EPM2A: variants seen among roughly 807,000 people sequenced by gnomAD.
EPM2A encodes the protein EPM2A glucan phosphatase, laforin, also known as laforin.
A neutral mutation model predicts 26.5 loss-of-function variants in EPM2A; 21 were observed. The ratio of observed to expected loss-of-function variants is 0.79; its 90% CI spans 0.56 to 1.14. EPM2A has a LOEUF of 1.14. Ranked by LOEUF, EPM2A falls within the 50% of genes most tolerant of loss-of-function variation. The pLI, the probability that EPM2A is intolerant of heterozygous loss-of-function variation, is 0.00. For synonymous variants in EPM2A, 217 were observed against 177.6 expected (o/e 1.22, Z -1.76); for missense variants, 458 against 440.8 (o/e 1.04, Z -0.35).
At chr6:145,480,046 T>C (rs774126049) in intron 4 of EPM2A, among the ~76,000 whole-genome samples, 1 of 152,074 alleles carries the variant, frequency 6.6e-6, no homozygotes, top group Non-Finnish European at 1.5e-5. Context: ...CTATAAGCCA[T>C]TCATATATCT....
intron 2 of EPM2A, among the ~76,000 whole-genome samples, chr6:145,558,241 T>C (rs982873489): frequency 6.6e-6 from 1 of 152,056 alleles, no homozygotes; most frequent in Non-Finnish European, 1.5e-5. Context: ...TGAGAACAGT[T>C]TGGGGGCATG....
intron 2 of EPM2A, among the ~76,000 whole-genome samples, chr6:145,565,820 C>T (rs757252192): frequency 1.3e-5 from 2 of 152,120 alleles, no homozygotes; most frequent in Non-Finnish European, 2.9e-5. Flanking sequence ...GAGCTGAATC[C>T]TCTATGCGAT....
At chr6:145,397,810 C>A (rs1019569682) in intron 4 of EPM2A, among the ~76,000 whole-genome samples, 6 of 152,180 alleles carry the variant, frequency 3.9e-5, no homozygotes, top group Non-Finnish European at 7.3e-5. Context: ...AGGCAGCAAT[C>A]ACTGCTGAGT....
At chr6:145,725,778 T>A (rs953059773) in intron 1 of EPM2A, among the ~76,000 whole-genome samples, 1 of 151,994 alleles carries the variant, frequency 6.6e-6, no homozygotes, top group Non-Finnish European at 1.5e-5. Flanking sequence ...AAGGGTTGAA[T>A]AGACAAAAGA....
intron 4 of EPM2A, among the ~76,000 whole-genome samples, chr6:145,390,554 G>C (rs1778323704): frequency 8.7e-6 from 1 of 114,996 alleles, no homozygotes; most frequent in Non-Finnish European, 2.0e-5. Flanking sequence ...TCCATGTTGT[G>C]CATGCACATT....
intron 2 of EPM2A, among the ~76,000 whole-genome samples, chr6:145,549,126 C>T (rs1009942155): frequency 9.9e-5 from 15 of 152,042 alleles, no homozygotes; most frequent in Admixed American, 3.3e-4. Context: ...CATAAAAACC[C>T]TCAGGGCAAA....
chr6:145,620,811 T>C (rs370584295), downstream of EPM2A, among the ~76,000 whole-genome samples: 108 of 152,324 alleles, frequency 7.1e-4, no homozygotes, highest in African/African-American at 2.5e-3. Context: ...ATAACAGCAA[T>C]TTTTTCAGCC....
intron 2 of EPM2A, among the ~76,000 whole-genome samples, chr6:145,582,010 G>C (rs1212920224): frequency 6.6e-6 from 1 of 151,052 alleles, no homozygotes; most frequent in African/African-American, 2.4e-5. Context: ...TCAGTGGTAA[G>C]GTTCCTCTAT....
intron 1 of EPM2A, among the ~76,000 whole-genome samples, chr6:145,723,224 A>T (rs933212197): frequency 6.6e-6 from 1 of 152,200 alleles, no homozygotes; most frequent in African/African-American, 2.4e-5. Context: ...GAGTAAAAAA[A>T]TAGTGATAAT....
intron 2 of EPM2A, among the ~76,000 whole-genome samples, chr6:145,611,687 A>C (rs1007912094): frequency 1.3e-5 from 2 of 152,138 alleles, no homozygotes; most frequent in Non-Finnish European, 2.9e-5. Flanking sequence ...ACAGGTCACT[A>C]AGTTTGCTTA....
intron 2 of EPM2A, among the ~76,000 whole-genome samples, chr6:145,604,860 T>C (rs920363373): frequency 5.9e-5 from 9 of 152,146 alleles, no homozygotes; most frequent in Non-Finnish European, 8.8e-5. Flanking sequence ...AAAAATAGAA[T>C]AAAGCATATT....
intron 1 of EPM2A, among the ~76,000 whole-genome samples, chr6:145,731,164 C>T (rs759721822): frequency 1.3e-4 from 20 of 152,132 alleles, no homozygotes; most frequent in Non-Finnish European, 2.5e-4. Context: ...CCAATGATAA[C>T]GATCTTAAGC....
chr6:145,520,740 A>G (rs570019670), intron 2 of EPM2A, among the ~76,000 whole-genome samples: 2 of 152,356 alleles, frequency 1.3e-5, no homozygotes, highest in Admixed American at 1.3e-4. Context: ...TAAAATCTTT[A>G]AAGGACTCCA....
intron 1 of EPM2A, chr6:145,705,441 G>C (rs1782168552): frequency 5.0e-6 from 2 of 397,370 alleles, no homozygotes; most frequent in Non-Finnish European, 1.0e-5. Context: ...TGTAGTCTCA[G>C]CTACTTGGGA....
chr6:145,444,016 G>T (rs565984267), intron 4 of EPM2A, among the ~76,000 whole-genome samples: 2 of 152,160 alleles, frequency 1.3e-5, no homozygotes, highest in East Asian at 1.9e-4. Context: ...CCCAGTTTTG[G>T]ATATGCCTTT....
At chr6:145,608,139 A>AT (rs1379861270) in intron 2 of EPM2A, among the ~76,000 whole-genome samples, 3 of 152,244 alleles carry the variant, frequency 2.0e-5, no homozygotes, top group African/African-American at 7.2e-5. Context: ...CCACATTCAC[A>AT]TAACTTTTAT....
intron 2 of EPM2A, among the ~76,000 whole-genome samples, chr6:145,568,221 A>G (rs1405048269): frequency 6.6e-6 from 1 of 152,178 alleles, no homozygotes; most frequent in Non-Finnish European, 1.5e-5. Context: ...TAGGCCAATG[A>G]AACTCTCTGT....
intron 2 of EPM2A, among the ~76,000 whole-genome samples, chr6:145,536,211 G>C (rs575714615): frequency 6.6e-6 from 1 of 151,638 alleles, no homozygotes; most frequent in Non-Finnish European, 1.5e-5. Flanking sequence ...AGGATAAGAA[G>C]TTTGATAGTT....
upstream of EPM2A, chr6:145,735,568 G>A (rs991997630): frequency 6.3e-6 from 7 of 1,106,842 alleles, no homozygotes; most frequent in East Asian, 5.1e-5. Context: ...CCGAGCACTA[G>A]GCGGCCGCAG....
Sources: allele counts gnomAD v4.1 joint callset (sites outside exome capture counted in the v4.1 genomes callset), GRCh38; gene constraint gnomAD v4.1.1; transcripts MANE v1.5; gene names NCBI Gene and HGNC (gene_info 2026-07-23, HGNC 2026-07-21).